FBXL19: variants seen among roughly 807,000 people sequenced by gnomAD.
FBXL19 encodes F-box and leucine rich repeat protein 19.
Under a neutral mutation model 71.2 loss-of-function variants are expected in FBXL19, and 16 were observed. That is an observed-to-expected ratio of 0.22 (90% CI 0.15 to 0.34). The LOEUF is 0.34. FBXL19 is among the 10% of genes least tolerant of loss of function. FBXL19 has a pLI of 1.00. For synonymous variants in FBXL19, 447 were observed against 409.4 expected (o/e 1.09, Z -1.11); for missense variants, 658 against 968.2 (o/e 0.68, Z 4.25).
chr16:30,923,664 G>A lies in FBXL19; in HGVS notation c.-820G>A, dbSNP rs1003507310. ...AGCGCGGGGCTGGGGGACCAGGGGG[G>A]CTGAGACACCCCAACTGCCCCCTTC... On this transcript the variant is annotated 5_prime_UTR_variant, in exon 1 of 11. Transcript: ENST00000338343. 1.3e-5 allele frequency among the ~76,000 whole-genome samples: 2 copies of A among 151,634 alleles called. No homozygotes were observed. The highest frequency in any genetic ancestry group is 2.4e-5 in the African/African-American group (1 of 41,280).
Position 30,923,643 on chromosome 16 carries a change from C to T in FBXL19, c.-841C>T, listed in dbSNP as rs1041991376. 2.8e-4 allele frequency among the ~76,000 whole-genome samples: 43 copies of T among 151,826 alleles called. No homozygotes were observed. The highest frequency in any genetic ancestry group is 9.7e-4 in the African/African-American group (40 of 41,404). The stretch of plus-strand genomic sequence containing the variant: ...GCCAGGGCCCCGGGCCGTAGCAGCG[C>T]GGGGCTGGGGGACCAGGGGGGCTGA... On this transcript the variant is annotated 5_prime_UTR_variant, in exon 1 of 11. Transcript: ENST00000338343.
intron 9 of FBXL19, among the ~76,000 whole-genome samples, chr16:30,945,849 G>GAAAAA (rs11464927): frequency 5.8e-5 from 5 of 86,820 alleles, no homozygotes; most frequent in Non-Finnish European, 8.4e-5. Flanking sequence ...CCGTCTCGGG[G>GAAAAA]AAAAAAAAAA....
chr16:30,946,676 T>C lies in FBXL19; in HGVS notation c.1628-54T>C, dbSNP rs2055862018. On this transcript the variant is annotated intron_variant, in intron 9 of 10. Transcript: ENST00000338343. This position sits in a 1 kb window ranked among gnomAD's most constrained non-coding sequence, Gnocchi z 6.7. ...GTGGAGGGCAGATGGTCTGGATACCTGGGCGCAGGGATGGGAGTGGCCAGG... is the reference window on the plus strand; with the variant it reads ...GTGGAGGGCAGATGGTCTGGATACCCGGGCGCAGGGATGGGAGTGGCCAGG... 1 of 1,530,502 alleles carries C rather than the reference T, an allele frequency of 6.5e-7. No individual in the cohort carries two copies. Among genetic ancestry groups the C allele is most frequent in the Admixed American group, 1.9e-5 (1 of 53,036 alleles). 94.8% of individuals were successfully genotyped at this position (1,530,502 alleles called of 1,614,324 possible). A position where few individuals can be genotyped will look rare whatever the true frequency, so the allele number is the denominator to read the frequency against.
Position 30,930,637 on chromosome 16 carries a change from T to G in FBXL19, c.1301+53T>G. ...CGTGGCCAGCAGGCTTCCCGCTTGC[T>G]GGGTGACCTGCGGTAGGTCTCTGGC... On this transcript the variant is annotated intron_variant, in intron 7 of 10. Coordinates refer to ENST00000338343, the MANE Select transcript of FBXL19 (RefSeq NM_001382779.1). The surrounding 1 kb of genome is among the most constrained non-coding windows in gnomAD (Gnocchi z 8.5). The G allele has an allele frequency of 7.1e-7, 1 of 1,401,650 alleles. No individual in the cohort carries two copies. 86.8% of individuals were successfully genotyped at this position (1,401,650 alleles called of 1,614,324 possible).
At chr16:30,926,479 G>C (rs1212196653) in intron 2 of FBXL19, among the ~76,000 whole-genome samples, 1 of 152,120 alleles carries the variant, frequency 6.6e-6, no homozygotes, top group Non-Finnish European at 1.5e-5. Flanking sequence ...GTAGGGATCG[G>C]GGAAGCATGG....
Position 30,947,413 on chromosome 16 carries a change from C to T in FBXL19, c.*183C>T. 5.0e-6 allele frequency: 3 copies of T among 594,730 alleles called. No individual in the cohort carries two copies. 36.8% of individuals were successfully genotyped at this position (594,730 alleles called of 1,614,324 possible). A position where few individuals can be genotyped will look rare whatever the true frequency, so the allele number is the denominator to read the frequency against. On this transcript the variant is annotated 3_prime_UTR_variant, in exon 11 of 11. Transcript: ENST00000338343. ...TTCTTTCCCCCCTGCACTGATATCT[C>T]TGGGGGTTTCTCCTTCCTATGTCCT...
Position 30,947,695 on chromosome 16 carries a change from CA to C in FBXL19, c.*469del. On this transcript the variant is annotated 3_prime_UTR_variant, in exon 11 of 11. Transcript: ENST00000338343. ...GGAGTGGGGGGTGGGGGTGGGGCCA[CA>C]AAAGGAAAACCGGAGGAGCAATTGG... The C allele has an allele frequency of 3.0e-6, 1 of 337,180 alleles. No homozygotes were observed. Among genetic ancestry groups the C allele is most frequent in the Non-Finnish European group, 5.9e-6 (1 of 169,554 alleles). The allele number at this position is 337,180 out of a possible 1,614,324, so 20.9% of individuals were successfully genotyped here. A position where few individuals can be genotyped will look rare whatever the true frequency, so the allele number is the denominator to read the frequency against.
rs1004273314 is a variant in FBXL19, at chr16:30,924,186, G to C, written c.-298G>C. 2.0e-5 allele frequency: 3 copies of C among 152,220 alleles called. No homozygotes were observed. The highest frequency in any genetic ancestry group is 4.8e-5 in the African/African-American group (2 of 41,418). The allele number at this position is 152,220 out of a possible 1,614,324, so 9.4% of individuals were successfully genotyped here. A position where few individuals can be genotyped will look rare whatever the true frequency, so the allele number is the denominator to read the frequency against. Reference sequence around the variant, plus strand: ...GCCCAAGGAGCCCCCGTTGGCCTGGGGGGGCTGAGGGACTGAGCCTCCCAG... The same window carrying C: ...GCCCAAGGAGCCCCCGTTGGCCTGGCGGGGCTGAGGGACTGAGCCTCCCAG... On this transcript the variant is annotated 5_prime_UTR_variant, in exon 1 of 11. Transcript: ENST00000338343.
Position 30,947,507 on chromosome 16 carries a change from C to A in FBXL19, c.*277C>A. ...TCAGAGGTACTGGAGGGTGCTGAGC[C>A]GAAGGGACGGTGGGAGGGGGGTTAT... On this transcript the variant is annotated 3_prime_UTR_variant, in exon 11 of 11. Transcript: ENST00000338343. 1 of 448,202 alleles carries A rather than the reference C, an allele frequency of 2.2e-6. No homozygotes were observed. Among genetic ancestry groups the A allele is most frequent in the Non-Finnish European group, 4.0e-6 (1 of 248,228 alleles). The allele number at this position is 448,202 out of a possible 1,614,324, so 27.8% of individuals were successfully genotyped here.
Position 30,930,538 on chromosome 16 carries a change from C to G in FBXL19, c.1255C>G (p.Arg419Gly). ...WLRVFQHLGP[R>G]ELCICMRVCR... ...TCGCGTCTTCCAGCACCTCGGGCCG[C>G]GGGAGCTGTGTATCTGCATGCGAGT... The change falls in exon 7 of 11, where the codon CGG becomes GGG. Residue 419 changes from arginine to glycine, a missense_variant. Physicochemically the swap from Arg to Gly is moderately radical, Grantham distance 125 (BLOSUM62 -2). Coordinates refer to ENST00000338343, the MANE Select transcript of FBXL19 (RefSeq NM_001382779.1). This position sits in a 1 kb window ranked among gnomAD's most constrained non-coding sequence, Gnocchi z 8.5. 7 of 1,501,486 alleles carry G rather than the reference C, an allele frequency of 4.7e-6. No individual in the cohort carries two copies. Among genetic ancestry groups the G allele is most frequent in the Non-Finnish European group, 6.2e-6 (7 of 1,133,178 alleles). The allele number at this position is 1,501,486 out of a possible 1,614,324, so 93.0% of individuals were successfully genotyped here. A position where few individuals can be genotyped will look rare whatever the true frequency, so the allele number is the denominator to read the frequency against.
At chr16:30,924,548 C>A in intron 1 of FBXL19, 89 bp downstream of exon 1, 9 of 1,277,282 alleles carry the variant, frequency 7.0e-6, no homozygotes, top group Non-Finnish European at 9.0e-6. Flanking sequence ...ACCTTCCCCG[C>A]CCCCAGCCTC....
At chr16:30,941,492 A>G (rs770033182) in intron 7 of FBXL19, among the ~76,000 whole-genome samples, 4 of 152,134 alleles carry the variant, frequency 2.6e-5, no homozygotes, top group Non-Finnish European at 5.9e-5. Flanking sequence ...CAAAAAGTGG[A>G]AAACGCAAAT....
rs922770802 is a variant in FBXL19, at chr16:30,925,142, T to C, written c.-24-589T>C. 6.6e-6 allele frequency among the ~76,000 whole-genome samples: 1 copy of C among 151,956 alleles called. No homozygotes were observed. The highest frequency in any genetic ancestry group is 1.5e-5 in the Non-Finnish European group (1 of 67,968). On this transcript the variant is annotated intron_variant, in intron 1 of 10. Transcript: ENST00000338343. The surrounding 1 kb of genome is among the most constrained non-coding windows in gnomAD (Gnocchi z 5.0). ...GTGGGCAGAGGAGATCGTTAGGGAC[T>C]TGGGGGCAAGGATCTCGCTGGATCT...
intron 7 of FBXL19, among the ~76,000 whole-genome samples, chr16:30,932,612 G>A (rs540994340): frequency 6.6e-6 from 1 of 152,192 alleles, no homozygotes; most frequent in East Asian, 1.9e-4. Context: ...CTGTAGTCTG[G>A]GTTTGTATGA....
At chr16:30,937,037 C>T (rs1013099805) in intron 7 of FBXL19, among the ~76,000 whole-genome samples, 2 of 152,240 alleles carry the variant, frequency 1.3e-5, no homozygotes, top group East Asian at 1.9e-4. Context: ...CCACCGCACA[C>T]GCTTGCCTCA....
At chr16:30,928,159 G>A (rs926866809) in intron 5 of FBXL19, among the ~76,000 whole-genome samples, 196 bp downstream of exon 5, 1 of 151,998 alleles carries the variant, frequency 6.6e-6, no homozygotes, top group Non-Finnish European at 1.5e-5. Flanking sequence ...GGACAGGTGA[G>A]GTGAGCTGGC....
rs769868014 is a variant in FBXL19, at chr16:30,942,466, C to T, written c.1557C>T (p.Leu519=). The T allele has an allele frequency of 1.4e-5, 22 of 1,602,578 alleles. No homozygotes were observed. The African/African-American group carries it at 2.7e-4, about 20-fold the overall frequency. The change falls in exon 9 of 11, where the codon CTC becomes CTT. Residue 519 remains leucine, a synonymous_variant. Coordinates refer to ENST00000338343, the MANE Select transcript of FBXL19 (RefSeq NM_001382779.1). The surrounding 1 kb of genome is among the most constrained non-coding windows in gnomAD (Gnocchi z 5.7). ...APLPALRLLD[L]RWIEDVKDSQ... is the part of the protein sequence containing the mutation. ...TGCCAGCCCTGCGGCTCCTGGACCT[C>T]CGCTGGATCGAGGATGTTAAAGACT...
At chr16:30,929,833 C>T (rs866051665) in intron 6 of FBXL19, among the ~76,000 whole-genome samples, 2 of 152,312 alleles carry the variant, frequency 1.3e-5, no homozygotes, top group East Asian at 1.9e-4. Context: ...GGATTACAGG[C>T]GTGAGCCACT....
At chr16:30,928,356 G>C in intron 5 of FBXL19, 111 bp from the exon 6 acceptor site, 1 of 1,181,806 alleles carries the variant, frequency 8.5e-7, no homozygotes. Context: ...CCCTGGGACG[G>C]GGGCTTCTGG....
Sources: gnomAD v4.1 joint callset for allele counts (sites outside exome capture counted in the v4.1 genomes callset) on GRCh38, gnomAD v4.1.1 for gene constraint, Gnocchi (gnomAD v3.1) non-coding constraint, MANE v1.5 for transcripts, NCBI Gene and HGNC (gene_info 2026-07-23, HGNC 2026-07-21) for gene names.